Variants in KMT5B observed in about 807,000 individuals in gnomAD.
The protein encoded by KMT5B is histone-lysine N-methyltransferase KMT5B.
Under a neutral mutation model 83.2 loss-of-function variants are expected in KMT5B, and 10 were observed. The observed-to-expected ratio is 0.12, with a 90% CI of 0.07 to 0.20. The LOEUF is 0.20. KMT5B is among the 10% of genes least tolerant of loss of function. The probability of loss-of-function intolerance (pLI) is 1.00; values close to 1 mark genes in which losing one functional copy is unlikely to be tolerated. For missense variants in KMT5B, 753 were observed against 1,067.2 expected (o/e 0.71, Z 4.10); for synonymous variants, 349 against 388.8 (o/e 0.90, Z 1.20).
chr11:68,191,053 G>A (rs1044136862), intron 1 of KMT5B, among the ~76,000 whole-genome samples: 2 of 152,216 alleles, frequency 1.3e-5, no homozygotes, highest in African/African-American at 4.8e-5. Flanking sequence ...CTGGAGTGCA[G>A]TGGTGTGATT....
At chr11:68,203,690 T>C (rs1289630757) in intron 1 of KMT5B, among the ~76,000 whole-genome samples, 1 of 152,210 alleles carries the variant, frequency 6.6e-6, no homozygotes, top group Non-Finnish European at 1.5e-5. Context: ...CCTTAAAACT[T>C]GCTCCTATAA....
chr11:68,180,367 T>C (rs1293925689), intron 3 of KMT5B, among the ~76,000 whole-genome samples, 167 bp from the exon 4 acceptor site: 2 of 152,202 alleles, frequency 1.3e-5, no homozygotes, highest in African/African-American at 4.8e-5. Flanking sequence ...ATAGAAGCCA[T>C]GCTGCTGAAA....
chr11:68,158,588 C>T lies in KMT5B; in HGVS notation c.1758G>A (p.Gln586=), dbSNP rs758426671. The T allele has an allele frequency of 1.8e-5, 29 of 1,614,182 alleles. No individual in the cohort carries two copies. The highest frequency in any genetic ancestry group is 2.2e-5 in the Non-Finnish European group (26 of 1,180,038). The part of the protein sequence containing the change: ...GEQLQPAPVL[Q]EEELAHETAQ... ...CAGTCTCATGAGCCAGTTCTTCCTC[C>T]TGCAGCACAGGAGCTGGCTGCAGCT... The change falls in exon 11 of 11, where the codon CAG becomes CAA. Residue 586 remains glutamine (Q), a synonymous_variant. Transcript: ENST00000304363.
chr11:68,196,590 C>T (rs761965111), intron 1 of KMT5B, among the ~76,000 whole-genome samples: 5 of 151,582 alleles, frequency 3.3e-5, no homozygotes, highest in Admixed American at 3.3e-4. Context: ...TACTTCCTGA[C>T]CTCTTCAAAT....
chr11:68,201,465 T>A (rs572896890), intron 1 of KMT5B, among the ~76,000 whole-genome samples: 2 of 152,210 alleles, frequency 1.3e-5, no homozygotes, highest in East Asian at 3.8e-4. Flanking sequence ...TATGAGATTA[T>A]AAATTGTTGA....
rs114092525 is a variant in KMT5B, at chr11:68,163,480, A to G, written c.1174+3502T>C. 6.4e-3 allele frequency among the ~76,000 whole-genome samples: 981 copies of G among 152,316 alleles called. 10 individuals carry two copies. Among genetic ancestry groups the G allele is most frequent in the African/African-American group, 0.023 (949 of 41,570 alleles). On this transcript the variant is annotated intron_variant, in intron 10 of 10. Coordinates refer to ENST00000304363, the MANE Select transcript of KMT5B (RefSeq NM_017635.5). ...GTAAAGGCCCCACTGCATGGCTATT[A>G]TGGTCATTTCAGGGTGTCCTCAAAA...
intron 1 of KMT5B, among the ~76,000 whole-genome samples, chr11:68,201,679 T>A (rs112074157): frequency 1.3e-4 from 19 of 151,954 alleles, no homozygotes; most frequent in African/African-American, 4.4e-4. Context: ...CTCTAGCCAG[T>A]TGACATGCTG....
intron 9 of KMT5B, 152 bp from the exon 10 acceptor site, chr11:68,167,330 G>T: frequency 1.3e-6 from 1 of 782,110 alleles, no homozygotes; most frequent in Non-Finnish European, 1.9e-6. Context: ...ACTCACAAAG[G>T]AAATTAAGTA....
intron 10 of KMT5B, among the ~76,000 whole-genome samples, chr11:68,162,686 T>G (rs1854969567): frequency 6.6e-6 from 1 of 152,220 alleles, no homozygotes; most frequent in Admixed American, 6.5e-5. Context: ...TTTTATGTGT[T>G]TGTCTCTAAA....
At chr11:68,178,482 C>T (rs1856590983) in intron 4 of KMT5B, among the ~76,000 whole-genome samples, 1 of 152,142 alleles carries the variant, frequency 6.6e-6, no homozygotes, top group Admixed American at 6.5e-5. Flanking sequence ...AAATAAAACC[C>T]CTGAAACTAT....
At chr11:68,189,152 AGGATATTCAAAGGT>A (rs1290337487) in intron 2 of KMT5B, among the ~76,000 whole-genome samples, 6 of 152,384 alleles carry the variant, frequency 3.9e-5, no homozygotes, top group Non-Finnish European at 8.8e-5. Flanking sequence ...ATCTGAATTA[AGGATATTCAAAGGT>A]GGCTAGATTC....
At chr11:68,196,358 C>G (rs1235136517) in intron 1 of KMT5B, among the ~76,000 whole-genome samples, 3 of 151,174 alleles carry the variant, frequency 2.0e-5, no homozygotes, top group Non-Finnish European at 4.4e-5. Flanking sequence ...TGCTATAAAA[C>G]TTAAGTGAAA....
chr11:68,211,792 T>C (rs1297086271), intron 1 of KMT5B, among the ~76,000 whole-genome samples: 2 of 152,164 alleles, frequency 1.3e-5, no homozygotes, highest in African/African-American at 4.8e-5. Flanking sequence ...GGGAAGCTAT[T>C]GGAGCCAGAG....
At chr11:68,185,441 C>T (rs1857353403) in intron 3 of KMT5B, among the ~76,000 whole-genome samples, 1 of 152,220 alleles carries the variant, frequency 6.6e-6, no homozygotes, top group African/African-American at 2.4e-5. Context: ...CTCCTGACCT[C>T]AGGTGATCCA....
At chr11:68,212,079 A>G (rs1860979244) in intron 1 of KMT5B, among the ~76,000 whole-genome samples, 1 of 152,168 alleles carries the variant, frequency 6.6e-6, no homozygotes, top group African/African-American at 2.4e-5. Flanking sequence ...TTTTGAAAAT[A>G]CTTCTTTTTA....
At chr11:68,194,255 G>A (rs184481191) in intron 1 of KMT5B, among the ~76,000 whole-genome samples, 11 of 145,444 alleles carry the variant, frequency 7.6e-5, no homozygotes, top group African/African-American at 2.6e-4. Flanking sequence ...CAGTGTCCAC[G>A]ATCTTGGCTC....
At chr11:68,192,500 C>G (rs988536618) in intron 1 of KMT5B, among the ~76,000 whole-genome samples, 1 of 152,200 alleles carries the variant, frequency 6.6e-6, no homozygotes, top group African/African-American at 2.4e-5. Flanking sequence ...ACAGTAAGAA[C>G]CATCTTTGCT....
At chr11:68,166,447 A>C (rs1466014334) in intron 10 of KMT5B, 14 of 1,001,178 alleles carry the variant, frequency 1.4e-5, no homozygotes, top group South Asian at 4.4e-5. Context: ...ACTGTTCAAA[A>C]TGCTCCTCTA....
chr11:68,168,275 C>T (rs1392221786), intron 9 of KMT5B, among the ~76,000 whole-genome samples: 1 of 151,924 alleles, frequency 6.6e-6, no homozygotes, highest in African/African-American at 2.4e-5. Context: ...TTTTCCTTTA[C>T]CTTTTTTCCT....
Sources: allele counts gnomAD v4.1 joint callset (sites outside exome capture counted in the v4.1 genomes callset), GRCh38; gene constraint gnomAD v4.1.1; transcripts MANE v1.5; gene names NCBI Gene and HGNC (gene_info 2026-07-23, HGNC 2026-07-21).